Variants in RAG1 observed in about 807,000 individuals in gnomAD.
The protein encoded by RAG1 is recombination activating 1.
A neutral mutation model predicts 62.7 loss-of-function variants in RAG1; 35 were observed. The ratio of observed to expected loss-of-function variants is 0.56; its 90% CI spans 0.43 to 0.74. RAG1 has a LOEUF of 0.74. Ranked by LOEUF, RAG1 falls within the 30% of genes least tolerant of loss-of-function variation. The probability of loss-of-function intolerance (pLI) is 0.00; values close to 1 mark genes in which losing one functional copy is unlikely to be tolerated. For synonymous variants in RAG1, 461 were observed against 470.3 expected (o/e 0.98, Z 0.26); for missense variants, 1,169 against 1,278.6 (o/e 0.91, Z 1.31).
At chr11:36,522,597 G>A (rs952482376) in intron 2 of RAG1, among the ~76,000 whole-genome samples, 2 of 152,186 alleles carry the variant, frequency 1.3e-5, no homozygotes, top group South Asian at 4.1e-4. Flanking sequence ...GTTCCTACTG[G>A]GGCTCTGCCT....
rs4151037 is a variant in RAG1, at chr11:36,576,856, T to C, written c.*420T>C. 147 of 194,768 alleles carry C rather than the reference T, an allele frequency of 7.5e-4. No individual in the cohort carries two copies. The highest frequency in any genetic ancestry group is 3.4e-3 in the African/African-American group (142 of 42,214). 12.1% of individuals were successfully genotyped at this position (194,768 alleles called of 1,614,324 possible). A position where few individuals can be genotyped will look rare whatever the true frequency, so the allele number is the denominator to read the frequency against. ...ATTGATTATATTTTGTATTGAGATATGATAAGTGCCTTCTATTTCATTTTT... is the reference window on the plus strand; with the variant it reads ...ATTGATTATATTTTGTATTGAGATACGATAAGTGCCTTCTATTTCATTTTT... On this transcript the variant is annotated 3_prime_UTR_variant, in exon 2 of 2. Transcript: ENST00000299440.
At chr11:36,528,506 A>G (rs1398161616) in intron 2 of RAG1, among the ~76,000 whole-genome samples, 2 of 152,122 alleles carry the variant, frequency 1.3e-5, no homozygotes, top group Non-Finnish European at 2.9e-5. Flanking sequence ...GTGTAGAGGG[A>G]AATTTGTAGC....
chr11:36,549,609 G>A (rs1204663572), intron 3 of RAG1, among the ~76,000 whole-genome samples: 1 of 152,158 alleles, frequency 6.6e-6, no homozygotes, highest in Non-Finnish European at 1.5e-5. Flanking sequence ...AAAACGTCAG[G>A]AAACAACAGA....
chr11:36,534,002 A>G (rs1860291391), intron 2 of RAG1, among the ~76,000 whole-genome samples: 1 of 152,118 alleles, frequency 6.6e-6, no homozygotes, highest in African/African-American at 2.4e-5. Flanking sequence ...CCTAAATCAA[A>G]TGAATGTAGC....
At chr11:36,543,614 G>A (rs1850348004) in intron 3 of RAG1, among the ~76,000 whole-genome samples, 1 of 152,150 alleles carries the variant, frequency 6.6e-6, no homozygotes, top group Non-Finnish European at 1.5e-5. Context: ...TCTCTTGTTT[G>A]GCCTCTCTCT....
At chr11:36,557,475 A>G (rs1590688929) in intron 3 of RAG1, among the ~76,000 whole-genome samples, 1 of 146,708 alleles carries the variant, frequency 6.8e-6, no homozygotes, top group South Asian at 2.1e-4. Context: ...CGGCTCGCGC[A>G]CGGTGCGCGC....
upstream of RAG1, among the ~76,000 whole-genome samples, chr11:36,564,394 G>C (rs756701285): frequency 6.6e-6 from 1 of 152,160 alleles, no homozygotes; most frequent in African/African-American, 2.4e-5. Context: ...TGGTGGAAGA[G>C]GGGGTAGGGA....
intron 2 of RAG1, among the ~76,000 whole-genome samples, chr11:36,533,090 C>G (rs111820491): frequency 9.5e-4 from 144 of 152,150 alleles, no homozygotes; most frequent in Admixed American, 1.1e-3. Flanking sequence ...AGGAATGCAA[C>G]ATCCTGAGAT....
chr11:36,571,519 T>C (rs1850743938), intron 1 of RAG1, among the ~76,000 whole-genome samples: 1 of 152,246 alleles, frequency 6.6e-6, no homozygotes, highest in Non-Finnish European at 1.5e-5. Context: ...GGCCGTGTAT[T>C]GTTTAACTCT....
In RAG1 at chr11:36,549,004, C is replaced by G. The variant is rs538573712; in HGVS notation, c.-412+12970C>G. Among the ~76,000 whole-genome samples the G allele has an allele frequency of 1.2e-3, 188 of 152,146 alleles. 1 individual carries two copies. The highest frequency in any genetic ancestry group is 1.8e-3 in the Non-Finnish European group (119 of 67,992). On this transcript the variant is annotated intron_variant and NMD_transcript_variant, in intron 3 of 9. Transcript: ENST00000534663. ...ACCATCTGATCTTTGACAAACCTGACAAAAACAAGCAATGGGGAAAGGATT... is the reference window on the plus strand; with the variant it reads ...ACCATCTGATCTTTGACAAACCTGAGAAAAACAAGCAATGGGGAAAGGATT...
At chr11:36,543,167 C>T (rs995870622) in intron 3 of RAG1, among the ~76,000 whole-genome samples, 1 of 152,206 alleles carries the variant, frequency 6.6e-6, no homozygotes, top group Non-Finnish European at 1.5e-5. Flanking sequence ...GTCTCAGATG[C>T]TGGCTGACCC....
downstream of RAG1, among the ~76,000 whole-genome samples, chr11:36,537,367 G>A (rs1034905908): frequency 3.3e-5 from 5 of 152,052 alleles, no homozygotes; most frequent in Non-Finnish European, 7.4e-5. Flanking sequence ...ACATATTTAG[G>A]GTCTTGATTG....
intron 3 of RAG1, among the ~76,000 whole-genome samples, chr11:36,560,098 G>A (rs1850560021): frequency 6.6e-6 from 1 of 152,172 alleles, no homozygotes; most frequent in South Asian, 2.1e-4. Flanking sequence ...CTGCAGTAGT[G>A]TAGTATCAAT....
At chr11:36,544,433 ACCAGAGGAATCTAAGAATTT>A (rs1850362276) in intron 3 of RAG1, among the ~76,000 whole-genome samples, 1 of 152,230 alleles carries the variant, frequency 6.6e-6, no homozygotes, top group Non-Finnish European at 1.5e-5. Flanking sequence ...TTGAAATGGT[ACCAGAGGAATCTAAGAATTT>A]CTCTCTAGTC....
Position 36,543,219 on chromosome 11 carries a change from T to C in RAG1, c.-412+7185T>C, listed in dbSNP as rs117331680. 9.8e-5 allele frequency among the ~76,000 whole-genome samples: 15 copies of C among 152,346 alleles called. No homozygotes were observed. The East Asian group carries it at 1.9e-3, about 20-fold the overall frequency. Reference sequence around the variant, plus strand: ...ATAGCCTTGATTAGACCCCAGTCTCTGTGGACATCACCCTGGTCATCTGAC... The same window carrying C: ...ATAGCCTTGATTAGACCCCAGTCTCCGTGGACATCACCCTGGTCATCTGAC... On this transcript the variant is annotated intron_variant and NMD_transcript_variant, in intron 3 of 9. Coordinates refer to the RAG1 transcript ENST00000534663.
At chr11:36,541,979 G>A (rs528847152) in intron 3 of RAG1, among the ~76,000 whole-genome samples, 1 of 152,262 alleles carries the variant, frequency 6.6e-6, no homozygotes, top group South Asian at 2.1e-4. Flanking sequence ...AGCAGTGGGA[G>A]GGACCTGCGC....
chr11:36,513,431 C>T (rs141256546), intron 1 of RAG1, among the ~76,000 whole-genome samples: 2,362 of 152,300 alleles, frequency 0.016, 88 homozygotes, highest in Admixed American at 0.097. Flanking sequence ...TAAGATGGCT[C>T]TCTACAAGTT....
At position 36,575,113 on chromosome 11, in the gene RAG1, T is replaced by C. The variant is rs763827932; in HGVS notation, c.1809T>C (p.Asp603=). 5.6e-6 allele frequency: 9 copies of C among 1,614,096 alleles called. No homozygotes were observed. In the East Asian group the frequency reaches 2.0e-4, roughly 36 times the overall value. Residue 603 remains aspartate, a synonymous_variant, in exon 2 of 2, where the codon GAT becomes GAC. Transcript: ENST00000299440. This position sits in a 1 kb window ranked among gnomAD's most constrained non-coding sequence, Gnocchi z 4.1. ...PFTVVVKESC[D]GMGDVSEKHG... Reference sequence around the variant, plus strand: ...CTGTGGTGGTGAAGGAGTCTTGTGATGGAATGGGAGACGTGAGTGAGAAGC... The same window carrying C: ...CTGTGGTGGTGAAGGAGTCTTGTGACGGAATGGGAGACGTGAGTGAGAAGC...
chr11:36,543,891 C>T (rs117595226), intron 3 of RAG1, among the ~76,000 whole-genome samples: 1,723 of 152,180 alleles, frequency 0.011, 11 homozygotes, highest in Non-Finnish European at 0.018. Context: ...TGGCCAGAAG[C>T]GCAATTCCTT....
Sources: allele counts gnomAD v4.1 joint callset (sites outside exome capture counted in the v4.1 genomes callset), GRCh38; gene constraint gnomAD v4.1.1; non-coding constraint Gnocchi (gnomAD v3.1); transcripts MANE v1.5; gene names NCBI Gene and HGNC (gene_info 2026-07-23, HGNC 2026-07-21).